Variants in TMPRSS6 observed in about 807,000 individuals in gnomAD.
TMPRSS6 encodes the protein transmembrane serine protease 6, also known as transmembrane protease serine 6.
TMPRSS6 carries 67 observed loss-of-function variants against 101.5 expected under a neutral mutation model. That is an observed-to-expected ratio of 0.66 (90% CI 0.54 to 0.81). The LOEUF (loss-of-function observed/expected upper bound fraction) is 0.81. TMPRSS6 is among the 30% of genes least tolerant of loss of function. TMPRSS6 has a pLI of 0.00. For synonymous variants in TMPRSS6, 453 were observed against 464.9 expected, an observed-to-expected ratio of 0.97 and a Z score of 0.33; for missense variants, 1,034 against 1,088.7, an observed-to-expected ratio of 0.95 and a Z score of 0.71.
At chr22:37,079,443 G>A (rs896602578) in intron 10 of TMPRSS6, among the ~76,000 whole-genome samples, 3 of 152,206 alleles carry the variant, frequency 2.0e-5, no homozygotes, top group African/African-American at 7.2e-5. Context: ...TGGATGGAAG[G>A]GTGGGGAGAA....
rs1285444548 is a variant in TMPRSS6 at position 37,086,290 on chromosome 22, G to T, written c.966C>A (p.Val322=). Residue 322 remains valine, a synonymous_variant, in exon 8 of 18, where the codon GTC becomes GTA. Coordinates refer to ENST00000676104, the MANE Select transcript of TMPRSS6 (RefSeq NM_001374504.1). ...DPFVLSVQPV[V]FQACEVNLTL... is the part of the protein sequence containing the mutation. ...GGACCCCTGACCTCTCACCCTGGAAGACCACCGGCTGCACGGAGAGCACGA... is the reference window on the plus strand; with the variant it reads ...GGACCCCTGACCTCTCACCCTGGAATACCACCGGCTGCACGGAGAGCACGA... The T allele has an allele frequency of 6.2e-7, 1 of 1,614,054 alleles. No individual in the cohort carries two copies. Among genetic ancestry groups the T allele is most frequent in the Non-Finnish European group, 8.5e-7 (1 of 1,179,992 alleles).
At chr22:37,102,227 C>T (rs1251238282) in intron 2 of TMPRSS6, among the ~76,000 whole-genome samples, 1 of 152,246 alleles carries the variant, frequency 6.6e-6, no homozygotes, top group Non-Finnish European at 1.5e-5. Flanking sequence ...TGGGTTGTCC[C>T]TCCTGTGGCT....
chr22:37,097,621 T>C (rs1742204294), intron 3 of TMPRSS6, among the ~76,000 whole-genome samples: 1 of 152,152 alleles, frequency 6.6e-6, no homozygotes, highest in Non-Finnish European at 1.5e-5. Flanking sequence ...CCAGCCTCCG[T>C]GCAGTGAGCC....
intron 12 of TMPRSS6, 147 bp downstream of exon 12, chr22:37,074,463 C>A: frequency 1.3e-6 from 1 of 776,660 alleles, no homozygotes; most frequent in South Asian, 1.7e-5. Flanking sequence ...TTTTGCCACC[C>A]CGGCACAGTG....
chr22:37,098,669 TG>T (rs2146170617), intron 2 of TMPRSS6, 120 bp from the exon 3 acceptor site: 2 of 1,323,454 alleles, frequency 1.5e-6, no homozygotes, highest in African/African-American at 1.4e-5. Flanking sequence ...TGGGTCTCCA[TG>T]GCACCATCAA....
At chr22:37,084,437 A>G (rs765448423) in intron 9 of TMPRSS6, 33 bp from the exon 10 acceptor site, 9 of 1,544,028 alleles carry the variant, frequency 5.8e-6, no homozygotes, top group Middle Eastern at 3.9e-4. Context: ...CAGGTGGCCC[A>G]TGGGGTGTGG....
At chr22:37,091,769 C>T (rs867278288) in intron 6 of TMPRSS6, among the ~76,000 whole-genome samples, 1 of 152,182 alleles carries the variant, frequency 6.6e-6, no homozygotes, top group Admixed American at 6.5e-5. Context: ...TTAGCCATTC[C>T]AAGTTCTGTC....
rs1930553927 is a variant in TMPRSS6, at chr22:37,103,991, G to C, written c.-1-573C>G. Among the ~76,000 whole-genome samples the C allele has an allele frequency of 6.6e-6, 1 of 152,182 alleles. No individual in the cohort carries two copies. Among genetic ancestry groups the C allele is most frequent in the Non-Finnish European group, 1.5e-5 (1 of 68,038 alleles). On this transcript the variant is annotated intron_variant, in intron 1 of 17. Transcript: ENST00000676104. This position sits in a 1 kb window ranked among gnomAD's most constrained non-coding sequence, Gnocchi z 4.4. ...TCTCTCTCACCTTTCTGCTCTCAAA[G>C]TCTTGTGGCAGAGGAAGGGAACAAA...
intron 13 of TMPRSS6, among the ~76,000 whole-genome samples, chr22:37,072,217 TGGATGGATGGATGGA>T (rs1927025418): frequency 1.8e-5 from 2 of 112,434 alleles, no homozygotes; most frequent in African/African-American, 6.7e-5. Flanking sequence ...GGATGGATGA[TGGATGGATGGATGGA>T]TGATGGATGG....
intron 2 of TMPRSS6, among the ~76,000 whole-genome samples, chr22:37,099,296 T>C (rs61382053): frequency 0.038 from 5,855 of 152,240 alleles, 368 homozygotes; most frequent in African/African-American, 0.13. Flanking sequence ...GGACCCGGGC[T>C]GAAAGCCTGT....
chr22:37,093,605 C>T (rs1396375535), intron 6 of TMPRSS6, among the ~76,000 whole-genome samples: 6 of 150,046 alleles, frequency 4.0e-5, no homozygotes, highest in Non-Finnish European at 3.0e-5. Context: ...GTTTCGCCTT[C>T]TTGGCCAGGC....
chr22:37,070,851 G>A, intron 14 of TMPRSS6, 65 bp downstream of exon 14: 1 of 1,515,844 alleles, frequency 6.6e-7, no homozygotes, highest in Non-Finnish European at 9.1e-7. Flanking sequence ...TTTCCCTCCA[G>A]CTTCCTGCTG....
rs1024048813 is a variant in TMPRSS6 at position 37,069,502 on chromosome 22, G to A, written c.1842-158C>T. ...CTCCCTGAAGGTCGCCTAGCTGGTG[G>A]TACAGCGTTCAGCCTTCACCCACTC... On this transcript the variant is annotated intron_variant, in intron 15 of 17. Transcript: ENST00000676104. The surrounding 1 kb of genome is among the most constrained non-coding windows in gnomAD (Gnocchi z 4.8). 6.6e-6 allele frequency among the ~76,000 whole-genome samples: 1 copy of A among 152,118 alleles called. No homozygotes were observed. The highest frequency in any genetic ancestry group is 1.5e-5 in the Non-Finnish European group (1 of 68,014).
chr22:37,069,318 A>G lies in TMPRSS6; in HGVS notation c.1868T>C (p.Val623Ala), dbSNP rs1926660853. The stretch of plus-strand genomic sequence containing the variant: ...GTTCTGCCACACCTTGCCCAGGAAC[A>G]CGGTCCACAGCACCGTGGAGGCCAT... ...DSMASTVLWT[V>A]FLGKVWQNSR... The change falls in exon 16 of 18, where the codon GTG becomes GCG. Residue 623 changes from valine (V) to alanine (A), a missense_variant. Physicochemically the swap from Val to Ala is moderately conservative, Grantham distance 64. Coordinates refer to ENST00000676104, the MANE Select transcript of TMPRSS6 (RefSeq NM_001374504.1). The surrounding 1 kb of genome is among the most constrained non-coding windows in gnomAD (Gnocchi z 4.8). 1.5e-6 allele frequency: 2 copies of G among 1,327,666 alleles called. No homozygotes were observed. The allele number at this position is 1,327,666 out of a possible 1,614,324, so 82.2% of individuals were successfully genotyped here.
chr22:37,077,354 T>A (rs1303227358), intron 10 of TMPRSS6, among the ~76,000 whole-genome samples: 1 of 152,092 alleles, frequency 6.6e-6, no homozygotes, highest in Non-Finnish European at 1.5e-5. Flanking sequence ...ATGCCCCATG[T>A]CCTCCACACG....
intron 2 of TMPRSS6, among the ~76,000 whole-genome samples, chr22:37,098,878 C>CAGGA (rs1408071188): frequency 2.0e-5 from 3 of 152,164 alleles, no homozygotes; most frequent in African/African-American, 4.8e-5. Context: ...CACATAGGCC[C>CAGGA]AGGAGGCCAA....
rs769741246 is a variant in TMPRSS6 at position 37,103,322 on chromosome 22, C to T, written c.96G>A (p.Glu32=). The T allele has an allele frequency of 5.0e-6, 8 of 1,614,102 alleles. No homozygotes were observed. The South Asian group carries it at 8.8e-5, about 18-fold the overall frequency. ...AEPEGMFKAC[E]DSKRKARGYL... ...AGCCCCGGGCTTTTCTCTTGGAGTC[C>T]TCACAGGCCTTGAACATCCCCTCCG... is the stretch of plus-strand genomic sequence containing the variant. Residue 32 remains glutamate, a synonymous_variant, in exon 2 of 18, where the codon GAG becomes GAA. Coordinates refer to ENST00000676104, the MANE Select transcript of TMPRSS6 (RefSeq NM_001374504.1). The surrounding 1 kb of genome is among the most constrained non-coding windows in gnomAD (Gnocchi z 4.4).
rs1382981422 is a variant in TMPRSS6 at position 37,103,150 on chromosome 22, C to T, written c.202+66G>A. 1.3e-6 allele frequency: 2 copies of T among 1,542,960 alleles called. No individual in the cohort carries two copies. Among genetic ancestry groups the T allele is most frequent in the Admixed American group, 1.7e-5 (1 of 59,444 alleles). ...GAGCCTGGAACCCAGTCCTGTCCTGCTGTGCCTGCTACAGTCACCCCAAGT... is the reference window on the plus strand; with the variant it reads ...GAGCCTGGAACCCAGTCCTGTCCTGTTGTGCCTGCTACAGTCACCCCAAGT... On this transcript the variant is annotated intron_variant, in intron 2 of 17. Coordinates refer to ENST00000676104, the MANE Select transcript of TMPRSS6 (RefSeq NM_001374504.1). This position sits in a 1 kb window ranked among gnomAD's most constrained non-coding sequence, Gnocchi z 4.4.
chr22:37,076,810 C>G (rs1433109303), intron 10 of TMPRSS6, among the ~76,000 whole-genome samples: 2 of 152,216 alleles, frequency 1.3e-5, no homozygotes, highest in African/African-American at 2.4e-5. Flanking sequence ...GAAACACACT[C>G]AGGGTGCAGG....
Sources: allele counts gnomAD v4.1 joint callset (sites outside exome capture counted in the v4.1 genomes callset), GRCh38; gene constraint gnomAD v4.1.1; non-coding constraint Gnocchi (gnomAD v3.1); transcripts MANE v1.5; gene names NCBI Gene and HGNC (gene_info 2026-07-23, HGNC 2026-07-21).